Variants in WASF2 observed in about 807,000 individuals in gnomAD.
The protein encoded by WASF2 is actin-binding protein WASF2.
WASF2 carries 14 observed loss-of-function variants against 45.0 expected under a neutral mutation model. The observed-to-expected ratio is 0.31, with a 90% CI of 0.21 to 0.49. The LOEUF is 0.49. Among genes scored for constraint, WASF2 ranks in the 20% least tolerant of loss-of-function variants. The pLI is 0.99. For missense variants in WASF2, 439 were observed against 636.1 expected, an observed-to-expected ratio of 0.69 and a Z score of 3.33; for synonymous variants, 200 against 236.3, an observed-to-expected ratio of 0.85 and a Z score of 1.41.
chr1:27,426,482 C>CT (rs1385931754), intron 2 of WASF2, among the ~76,000 whole-genome samples: 1 of 151,012 alleles, frequency 6.6e-6, no homozygotes, highest in Non-Finnish European at 1.5e-5. Flanking sequence ...TTGCCTCTTA[C>CT]TGGCTGTATC....
chr1:27,489,683 T>C (rs940453011), intron 1 of WASF2, among the ~76,000 whole-genome samples: 2 of 152,120 alleles, frequency 1.3e-5, no homozygotes, highest in Non-Finnish European at 2.9e-5. Context: ...GAGAGGAAAG[T>C]GACTTGCTCA....
chr1:27,460,545 A>C (rs1208265409), intron 1 of WASF2, among the ~76,000 whole-genome samples: 4 of 152,216 alleles, frequency 2.6e-5, no homozygotes, highest in South Asian at 4.1e-4. Flanking sequence ...ACCTTGGTTT[A>C]CATCAATCAT....
chr1:27,408,479 G>A (rs2016711108), intron 8 of WASF2, 133 bp from the exon 9 acceptor site: 2 of 1,252,112 alleles, frequency 1.6e-6, no homozygotes, highest in Non-Finnish European at 2.2e-6. Flanking sequence ...AGGTTGTTAT[G>A]GAAAAGCAGA....
chr1:27,438,222 A>G (rs1045881968), intron 1 of WASF2, among the ~76,000 whole-genome samples: 5 of 152,210 alleles, frequency 3.3e-5, no homozygotes, highest in African/African-American at 1.2e-4. Flanking sequence ...CTATCATACT[A>G]TGCGATGGAG....
intron 1 of WASF2, among the ~76,000 whole-genome samples, chr1:27,475,226 G>A (rs2017749611): frequency 6.6e-6 from 1 of 152,182 alleles, no homozygotes; most frequent in African/African-American, 2.4e-5. Context: ...CCACTAGCCT[G>A]GGCAACAGAG....
intron 1 of WASF2, among the ~76,000 whole-genome samples, chr1:27,484,552 A>G (rs2017896933): frequency 6.6e-6 from 1 of 152,298 alleles, no homozygotes; most frequent in South Asian, 2.1e-4. Context: ...TCATGCTTGT[A>G]ATCCCAGAAC....
intron 5 of WASF2, among the ~76,000 whole-genome samples, chr1:27,415,759 A>G (rs576165282): frequency 1.3e-5 from 2 of 152,030 alleles, no homozygotes; most frequent in African/African-American, 2.4e-5. Context: ...CTCAGCCTGA[A>G]TATACTCAAT....
intron 1 of WASF2, among the ~76,000 whole-genome samples, chr1:27,449,338 C>T (rs183302536): frequency 9.3e-4 from 141 of 152,286 alleles, no homozygotes; most frequent in Admixed American, 1.6e-3. Context: ...TAGCTCACGC[C>T]TATAATCCCA....
chr1:27,455,264 A>T (rs1260326976), intron 1 of WASF2, among the ~76,000 whole-genome samples: 9 of 152,040 alleles, frequency 5.9e-5, no homozygotes, highest in African/African-American at 1.9e-4. Flanking sequence ...TGTTTTTCCA[A>T]AACACTGAGA....
Position 27,410,355 on chromosome 1 carries a change from A to G in WASF2, c.825-149T>C. 2 of 1,404,162 alleles carry G rather than the reference A, an allele frequency of 1.4e-6. No individual in the cohort carries two copies. The highest frequency in any genetic ancestry group is 1.5e-5 in the South Asian group (1 of 65,638). The allele number at this position is 1,404,162 out of a possible 1,614,324, so 87.0% of individuals were successfully genotyped here. A position where few individuals can be genotyped will look rare whatever the true frequency, so the allele number is the denominator to read the frequency against. ...CAGAAAGAAAAGCCTACAGATGGTC[A>G]TAACAGACCAATAATGAAATAAGCA... is the stretch of plus-strand genomic sequence containing the variant. On this transcript the variant is annotated intron_variant, in intron 7 of 8. Transcript: ENST00000618852. This position sits in a 1 kb window ranked among gnomAD's most constrained non-coding sequence, Gnocchi z 4.2.
rs1351756937 is a variant in WASF2, at chr1:27,420,814, C to T, written c.131-1726G>A. Among the ~76,000 whole-genome samples the T allele has an allele frequency of 3.3e-5, 5 of 152,270 alleles. No individual in the cohort carries two copies. The East Asian group carries it at 5.8e-4, about 18-fold the overall frequency. ...CTGGGATTACATGCATGAGCCACCA[C>T]GCCCGGGCCTACCATCTGAGCTTCT... On this transcript the variant is annotated intron_variant, in intron 2 of 8. Transcript: ENST00000618852.
intron 1 of WASF2, among the ~76,000 whole-genome samples, chr1:27,483,937 G>A (rs1004256475): frequency 6.6e-6 from 1 of 151,958 alleles, no homozygotes; most frequent in Non-Finnish European, 1.5e-5. Context: ...TCAAGCCAGG[G>A]CAACAGAGTG....
chr1:27,431,643 G>A (rs1395609953), intron 1 of WASF2, among the ~76,000 whole-genome samples: 4 of 152,122 alleles, frequency 2.6e-5, no homozygotes, highest in Non-Finnish European at 5.9e-5. Flanking sequence ...CCAATGACAG[G>A]GCATTCTGGA....
intron 1 of WASF2, among the ~76,000 whole-genome samples, chr1:27,430,617 T>G (rs1168800223): frequency 6.6e-6 from 1 of 152,054 alleles, no homozygotes; most frequent in African/African-American, 2.4e-5. Context: ...GTGCTGGGAC[T>G]ATAAGCATGA....
At chr1:27,415,918 C>T (rs2016820249) in intron 5 of WASF2, 67 bp downstream of exon 5, 32 of 1,346,696 alleles carry the variant, frequency 2.4e-5, no homozygotes, top group Non-Finnish European at 3.4e-5. Flanking sequence ...ATAACACTGG[C>T]TTCCTTTTTA....
At chr1:27,445,968 A>G (rs886949564) in intron 1 of WASF2, among the ~76,000 whole-genome samples, 7 of 151,940 alleles carry the variant, frequency 4.6e-5, no homozygotes, top group African/African-American at 1.7e-4. Context: ...TCTAAAAAGC[A>G]CAGTTGTTTT....
chr1:27,468,775 T>C (rs2017649824), intron 1 of WASF2, among the ~76,000 whole-genome samples: 1 of 147,730 alleles, frequency 6.8e-6, no homozygotes, highest in Non-Finnish European at 1.5e-5. Context: ...AGGTCAGGAG[T>C]TCAAGACCAG....
At chr1:27,443,062 G>A (rs866008091) in intron 1 of WASF2, among the ~76,000 whole-genome samples, 18 of 151,364 alleles carry the variant, frequency 1.2e-4, no homozygotes, top group South Asian at 1.0e-3. Flanking sequence ...TACTCTAGAG[G>A]CCGAGATGGG....
At chr1:27,415,906 A>G (rs2016820048) in intron 5 of WASF2, 79 bp downstream of exon 5, 1 of 1,234,708 alleles carries the variant, frequency 8.1e-7, no homozygotes, top group Admixed American at 1.8e-5. Flanking sequence ...TGATTACTTC[A>G]CATAACACTG....
Sources: allele counts gnomAD v4.1 joint callset (sites outside exome capture counted in the v4.1 genomes callset), GRCh38; gene constraint gnomAD v4.1.1; non-coding constraint Gnocchi (gnomAD v3.1); transcripts MANE v1.5; gene names NCBI Gene and HGNC (gene_info 2026-07-23, HGNC 2026-07-21).